CLEC16A: variants seen among roughly 807,000 people sequenced by gnomAD.
CLEC16A encodes the protein C-type lectin domain containing 16A.
Under a neutral mutation model 109.5 loss-of-function variants are expected in CLEC16A, and 51 were observed. That is an observed-to-expected ratio of 0.47 (90% CI 0.37 to 0.59). The LOEUF is 0.59. Ranked by LOEUF, CLEC16A falls within the 20% of genes least tolerant of loss-of-function variation. CLEC16A has a pLI of 0.00. For synonymous variants in CLEC16A, 673 were observed against 564.2 expected (o/e 1.19, Z -2.73); for missense variants, 1,339 against 1,394.0 (o/e 0.96, Z 0.63).
At chr16:11,142,338 A>C (rs2053873933) in intron 22 of CLEC16A, among the ~76,000 whole-genome samples, 1 of 152,214 alleles carries the variant, frequency 6.6e-6, no homozygotes, top group Non-Finnish European at 1.5e-5. Context: ...CTGTGATCAT[A>C]CTTGCAGCCT....
chr16:11,104,878 G>C (rs944777115), intron 19 of CLEC16A, among the ~76,000 whole-genome samples: 21 of 152,330 alleles, frequency 1.4e-4, no homozygotes, highest in Non-Finnish European at 2.5e-4. Context: ...ACCACATCCT[G>C]TGGAAGGTCC....
chr16:10,956,933 G>A (rs111304872), intron 1 of CLEC16A, among the ~76,000 whole-genome samples: 20,259 of 152,010 alleles, frequency 0.13, 1,321 homozygotes, highest in African/African-American at 0.14. Flanking sequence ...GAGTAGCTGG[G>A]ATTACAGACT....
At chr16:11,038,030 T>C (rs927981503) in intron 13 of CLEC16A, among the ~76,000 whole-genome samples, 1 of 152,128 alleles carries the variant, frequency 6.6e-6, no homozygotes, top group Admixed American at 6.5e-5. Flanking sequence ...GAAACCCACA[T>C]TTGTGGGGCG....
chr16:11,051,424 A>T (rs1298551663), intron 17 of CLEC16A, 89 bp from the exon 18 acceptor site: 1 of 1,352,404 alleles, frequency 7.4e-7, no homozygotes, highest in Non-Finnish European at 1.0e-6. Flanking sequence ...AATGCGGTTG[A>T]AGGCGAGGGG....
At chr16:10,965,612 T>G (rs1300190182) in intron 3 of CLEC16A, among the ~76,000 whole-genome samples, 1 of 152,238 alleles carries the variant, frequency 6.6e-6, no homozygotes, top group Non-Finnish European at 1.5e-5. Context: ...TTTTCACTAT[T>G]ACAAGCTACC....
chr16:10,970,458 A>G (rs185754921), intron 4 of CLEC16A, among the ~76,000 whole-genome samples: 3 of 152,320 alleles, frequency 2.0e-5, no homozygotes, highest in African/African-American at 7.2e-5. Context: ...TATTATCCCC[A>G]TGTTATAGAT....
chr16:11,083,296 G>C (rs1288705874), intron 19 of CLEC16A, among the ~76,000 whole-genome samples: 3 of 152,186 alleles, frequency 2.0e-5, no homozygotes, highest in Non-Finnish European at 4.4e-5. Flanking sequence ...CCAAGTAGCT[G>C]GGCCTATAGG....
intron 19 of CLEC16A, among the ~76,000 whole-genome samples, chr16:11,089,025 A>G (rs1306052938): frequency 6.6e-6 from 1 of 152,152 alleles, no homozygotes; most frequent in Non-Finnish European, 1.5e-5. Context: ...CTCCAGCAGG[A>G]ACTCCCAGCC....
chr16:11,019,826 TATGTTTATCAACCAC>T (rs2045988867), intron 11 of CLEC16A, among the ~76,000 whole-genome samples: 1 of 152,006 alleles, frequency 6.6e-6, no homozygotes, highest in South Asian at 2.1e-4. Context: ...TGAGGTTGAT[TATGTTTATCAACCAC>T]ATGTCATATC....
intron 17 of CLEC16A, among the ~76,000 whole-genome samples, chr16:11,050,917 T>A (rs2047905065): frequency 6.6e-6 from 1 of 152,220 alleles, no homozygotes; most frequent in Admixed American, 6.5e-5. Context: ...ACAGAGGCCC[T>A]GGAGCAAGAC....
intron 10 of CLEC16A, among the ~76,000 whole-genome samples, chr16:11,001,203 A>T (rs1307360133): frequency 1.3e-5 from 2 of 151,986 alleles, no homozygotes; most frequent in South Asian, 2.1e-4. Flanking sequence ...CTTCTACCTC[A>T]GCCTCTGAAG....
Position 10,944,714 on chromosome 16 carries a change from C to G in CLEC16A, c.-4C>G. 1 of 1,604,538 alleles carries G rather than the reference C, an allele frequency of 6.2e-7. No homozygotes were observed. On this transcript the variant is annotated 5_prime_UTR_variant, in exon 1 of 24. Coordinates refer to ENST00000409790, the MANE Select transcript of CLEC16A (RefSeq NM_015226.3). Reference sequence around the variant, plus strand: ...GAGACGAGAGACGGGTCGGGGCCGCCGACATGTTTGGCCGCTCGCGGAGCT... The same window carrying G: ...GAGACGAGAGACGGGTCGGGGCCGCGGACATGTTTGGCCGCTCGCGGAGCT...
chr16:11,045,572 A>G (rs963785640), intron 16 of CLEC16A, among the ~76,000 whole-genome samples: 6 of 151,968 alleles, frequency 3.9e-5, no homozygotes, highest in Non-Finnish European at 8.8e-5. Flanking sequence ...GAGCAGAAAC[A>G]CTCAGGCCTT....
intron 5 of CLEC16A, chr16:10,971,651 G>C (rs575785114): frequency 6.8e-5 from 28 of 414,680 alleles, no homozygotes; most frequent in Non-Finnish European, 8.7e-5. Flanking sequence ...TGAACAGCAG[G>C]GGGCAATGTT....
rs371924497 is a variant in CLEC16A at position 10,982,901 on chromosome 16, A to G, written c.981A>G (p.Ala327=). The change falls in exon 10 of 24, where the codon GCA becomes GCG. Residue 327 remains alanine (A), a synonymous_variant. Coordinates refer to ENST00000409790, the MANE Select transcript of CLEC16A (RefSeq NM_015226.3). ...AGGTCTTCTTAATTATACATCATGCACCGCTGGTGAACTCGTTAGCTGAAG... is the reference window on the plus strand; with the variant it reads ...AGGTCTTCTTAATTATACATCATGCGCCGCTGGTGAACTCGTTAGCTGAAG... The part of the protein sequence containing the change: ...LSQVFLIIHH[A]PLVNSLAEVI... 2.3e-5 allele frequency: 37 copies of G among 1,608,218 alleles called. No individual in the cohort carries two copies. The highest frequency in any genetic ancestry group is 1.1e-4 in the African/African-American group (8 of 74,766).
In CLEC16A at chr16:11,166,393, G is replaced by A. The variant is rs199517292; in HGVS notation, c.2647G>A (p.Ala883Thr). Residue 883 changes from alanine to threonine, a missense_variant, in exon 23 of 24, where the codon GCC (alanine) becomes ACC (threonine). Transcript: ENST00000409790. ...FASVDKVPGF[A>T]VAQCINQHSS... is the part of the protein sequence containing the mutation. The stretch of plus-strand genomic sequence containing the variant: ...CCTGGTACTTTGTCTTGCAGGCTTC[G>A]CCGTGGCCCAGTGCATAAACCAGCA... 1.1e-5 allele frequency: 17 copies of A among 1,598,204 alleles called. No homozygotes were observed. The highest frequency in any genetic ancestry group is 1.2e-5 in the Non-Finnish European group (14 of 1,176,396).
rs2052338610 is a variant in CLEC16A at position 11,120,682 on chromosome 16, T to C, written c.2184T>C (p.Ala728=). The C allele has an allele frequency of 1.9e-6, 3 of 1,612,724 alleles. No homozygotes were observed. Among genetic ancestry groups the C allele is most frequent in the Non-Finnish European group, 2.5e-6 (3 of 1,179,432 alleles). Residue 728 remains alanine, a synonymous_variant, in exon 20 of 24, where the codon GCT becomes GCC. Coordinates refer to ENST00000409790, the MANE Select transcript of CLEC16A (RefSeq NM_015226.3). The part of the protein sequence containing the change: ...KDGGMVQRFL[A]VDIYQMSLVE... ...GCGGCATGGTCCAGCGATTCCTGGCTGTGGATATTTACCAGATGAGTTTGG... is the reference window on the plus strand; with the variant it reads ...GCGGCATGGTCCAGCGATTCCTGGCCGTGGATATTTACCAGATGAGTTTGG...
intron 1 of CLEC16A, among the ~76,000 whole-genome samples, chr16:10,946,145 G>A (rs2041355332): frequency 6.6e-6 from 1 of 152,196 alleles, no homozygotes. Context: ...AATCTTCAGT[G>A]TCAAGAAATA....
Position 11,181,203 on chromosome 16 carries a change from A to C in CLEC16A, c.*2513A>C, listed in dbSNP as rs201295602. 2 of 152,410 alleles carry C rather than the reference A, an allele frequency of 1.3e-5. No individual in the cohort carries two copies. 9.4% of individuals were successfully genotyped at this position (152,410 alleles called of 1,614,324 possible). ...CACCCAGGTCTCAGCGGCAGTGGGCACAGCTATGTCTTCAGGAGCTCCCGT... is the reference window on the plus strand; with the variant it reads ...CACCCAGGTCTCAGCGGCAGTGGGCCCAGCTATGTCTTCAGGAGCTCCCGT... On this transcript the variant is annotated 3_prime_UTR_variant, in exon 24 of 24. Coordinates refer to ENST00000409790, the MANE Select transcript of CLEC16A (RefSeq NM_015226.3).
Sources: gnomAD v4.1 joint callset for allele counts (sites outside exome capture counted in the v4.1 genomes callset) on GRCh38, gnomAD v4.1.1 for gene constraint, MANE v1.5 for transcripts, NCBI Gene and HGNC (gene_info 2026-07-23, HGNC 2026-07-21) for gene names.